The following VWC2L variants were observed in gnomAD, a reference collection of about 807,000 sequenced individuals.
VWC2L encodes the protein von Willebrand factor C domain containing 2 like.
VWC2L carries 10 observed loss-of-function variants against 21.6 expected under a neutral mutation model. That is an observed-to-expected ratio of 0.46 (90% CI 0.29 to 0.78). VWC2L has a LOEUF of 0.78. Ranked by LOEUF, VWC2L falls within the 30% of genes least tolerant of loss-of-function variation. The pLI is 0.10. For missense variants in VWC2L, 209 were observed against 277.1 expected (o/e 0.75, Z 1.74); for synonymous variants, 96 against 94.3 (o/e 1.02, Z -0.10).
intron 3 of VWC2L, among the ~76,000 whole-genome samples, chr2:214,527,619 A>G (rs1214620211): frequency 1.3e-5 from 2 of 152,024 alleles, no homozygotes; most frequent in African/African-American, 2.4e-5. Flanking sequence ...TGTCCCTCAC[A>G]TCGTACTTAG....
At chr2:214,466,129 GC>G (rs1484501611) in intron 3 of VWC2L, among the ~76,000 whole-genome samples, 1 of 123,416 alleles carries the variant, frequency 8.1e-6, no homozygotes, top group Non-Finnish European at 1.6e-5. Context: ...TCATGAAGGT[GC>G]TTTTTTGTGT....
intron 3 of VWC2L, among the ~76,000 whole-genome samples, chr2:214,485,553 C>T (rs768728125): frequency 9.9e-5 from 15 of 152,244 alleles, no homozygotes; most frequent in South Asian, 8.3e-4. Flanking sequence ...GGCTGACATA[C>T]GAAGGTCACT....
At chr2:214,527,551 GC>G (rs1261258468) in intron 3 of VWC2L, among the ~76,000 whole-genome samples, 8 of 152,014 alleles carry the variant, frequency 5.3e-5, no homozygotes, top group Admixed American at 5.2e-4. Flanking sequence ...ATTCCTTGAA[GC>G]AAGTTCTTTC....
chr2:214,464,851 T>C (rs1014865152), intron 3 of VWC2L, among the ~76,000 whole-genome samples: 1 of 152,104 alleles, frequency 6.6e-6, no homozygotes, highest in Non-Finnish European at 1.5e-5. Flanking sequence ...CCAAGCCACA[T>C]GACAGAGTCC....
intron 3 of VWC2L, among the ~76,000 whole-genome samples, chr2:214,570,986 A>G (rs1270880334): frequency 2.6e-5 from 4 of 152,186 alleles, no homozygotes; most frequent in African/African-American, 9.6e-5. Flanking sequence ...CTGCCCAAGC[A>G]TCTTCTCCAA....
At chr2:214,476,818 G>C (rs1688532801) in intron 3 of VWC2L, among the ~76,000 whole-genome samples, 1 of 151,730 alleles carries the variant, frequency 6.6e-6, no homozygotes, top group Admixed American at 6.6e-5. Context: ...GAAGTATTTT[G>C]GTATTTCATC....
intron 3 of VWC2L, among the ~76,000 whole-genome samples, chr2:214,483,993 T>C (rs1298396998): frequency 6.6e-6 from 1 of 152,178 alleles, no homozygotes; most frequent in African/African-American, 2.4e-5. Flanking sequence ...AGAAGAATGC[T>C]TCCTTGCTGC....
At chr2:214,492,895 C>G (rs992095333) in intron 3 of VWC2L, among the ~76,000 whole-genome samples, 6 of 152,094 alleles carry the variant, frequency 3.9e-5, no homozygotes, top group African/African-American at 1.2e-4. Context: ...TGTGAGTTTG[C>G]TGGGGCTTTT....
rs1413490172 is a variant in VWC2L, at chr2:214,575,882, T to C, written c.*62T>C. On this transcript the variant is annotated 3_prime_UTR_variant, in exon 4 of 4. Transcript: ENST00000312504. The stretch of plus-strand genomic sequence containing the variant: ...GATGCTATGGCTTCAACACTGCACA[T>C]GTTTAACACAAAACAAAACAAACAA... 1 of 1,529,536 alleles carries C rather than the reference T, an allele frequency of 6.5e-7. No individual in the cohort carries two copies. Among genetic ancestry groups the C allele is most frequent in the African/African-American group, 1.4e-5 (1 of 72,512 alleles). 94.7% of individuals were successfully genotyped at this position (1,529,536 alleles called of 1,614,324 possible).
chr2:214,525,776 A>T (rs189238125), intron 3 of VWC2L, among the ~76,000 whole-genome samples: 29 of 152,270 alleles, frequency 1.9e-4, no homozygotes, highest in Admixed American at 1.4e-3. Context: ...AAAACAAATA[A>T]CTGTCCACTT....
chr2:214,498,718 T>C lies in VWC2L; in HGVS notation c.520+61960T>C, dbSNP rs997032809. Reference sequence around the variant, plus strand: ...ATACATATACATATTTTTATATGTGTATATATTATACATATACATATTTTT... The same window carrying C: ...ATACATATACATATTTTTATATGTGCATATATTATACATATACATATTTTT... On this transcript the variant is annotated intron_variant, in intron 3 of 3. Transcript: ENST00000312504. 3.6e-5 allele frequency among the ~76,000 whole-genome samples: 3 copies of C among 83,800 alleles called. 1 individual carries two copies. Among genetic ancestry groups the C allele is most frequent in the Non-Finnish European group, 8.9e-5 (3 of 33,702 alleles). The allele number at this position is 83,800 out of a possible 152,430, so 55.0% of individuals were successfully genotyped here.
chr2:214,491,476 T>C (rs1485905842), intron 3 of VWC2L, among the ~76,000 whole-genome samples: 1 of 152,182 alleles, frequency 6.6e-6, no homozygotes, highest in African/African-American at 2.4e-5. Flanking sequence ...AGAAGGACAG[T>C]AAATTAAAGG....
intron 3 of VWC2L, among the ~76,000 whole-genome samples, chr2:214,501,247 T>C (rs1324407860): frequency 2.0e-5 from 3 of 152,152 alleles, no homozygotes; most frequent in Non-Finnish European, 4.4e-5. Context: ...CCACTCCACC[T>C]TCCCTCTGAT....
intron 3 of VWC2L, among the ~76,000 whole-genome samples, chr2:214,539,846 A>T (rs1689600143): frequency 6.6e-6 from 1 of 152,192 alleles, no homozygotes. Context: ...TTTAAATTTT[A>T]CCACTAAAAT....
intron 2 of VWC2L, among the ~76,000 whole-genome samples, chr2:214,418,574 C>T (rs1168839736): frequency 6.6e-6 from 1 of 152,104 alleles, no homozygotes; most frequent in Non-Finnish European, 1.5e-5. Context: ...TCATTGAACC[C>T]TTCGAGGCTA....
At chr2:214,447,119 G>T (rs1559293400) in intron 3 of VWC2L, among the ~76,000 whole-genome samples, 1 of 152,118 alleles carries the variant, frequency 6.6e-6, no homozygotes, top group African/African-American at 2.4e-5. Context: ...TTGGGAGTTG[G>T]ATATAGTTTC....
At chr2:214,417,908 A>G (rs1385870076) in intron 2 of VWC2L, among the ~76,000 whole-genome samples, 2 of 152,208 alleles carry the variant, frequency 1.3e-5, no homozygotes, top group Admixed American at 1.3e-4. Flanking sequence ...GAGGTGCACA[A>G]GCACAAAGAC....
At chr2:214,439,610 G>A (rs1702733873) in intron 3 of VWC2L, among the ~76,000 whole-genome samples, 1 of 151,696 alleles carries the variant, frequency 6.6e-6, no homozygotes, top group Non-Finnish European at 1.5e-5. Context: ...CAAATACTTT[G>A]GTTTTTCATA....
intron 3 of VWC2L, among the ~76,000 whole-genome samples, chr2:214,528,067 G>A (rs892785762): frequency 6.6e-6 from 1 of 152,138 alleles, no homozygotes; most frequent in Non-Finnish European, 1.5e-5. Flanking sequence ...TTTCACTTAC[G>A]AAGTGTTTTA....
Sources: allele counts gnomAD v4.1 joint callset (sites outside exome capture counted in the v4.1 genomes callset), GRCh38; gene constraint gnomAD v4.1.1; transcripts MANE v1.5; gene names NCBI Gene and HGNC (gene_info 2026-07-23, HGNC 2026-07-21).